Variants in UBE2K observed in about 807,000 individuals in gnomAD.
The protein encoded by UBE2K is ubiquitin-conjugating enzyme E2 K.
In UBE2K, 6 loss-of-function variants were observed where a neutral mutation model predicts 30.0. The ratio of observed to expected loss-of-function variants is 0.20; its 90% CI spans 0.11 to 0.39. The LOEUF (loss-of-function observed/expected upper bound fraction) is 0.39. UBE2K is among the 10% of genes least tolerant of loss of function. The probability of loss-of-function intolerance (pLI) is 1.00; values close to 1 mark genes in which losing one functional copy is unlikely to be tolerated. For missense variants in UBE2K, 61 were observed against 241.6 expected (o/e 0.25, Z 4.96); for synonymous variants, 86 against 83.7 (o/e 1.03, Z -0.15).
chr4:39,708,021 C>T (rs550991733), intron 1 of UBE2K, among the ~76,000 whole-genome samples: 17 of 151,998 alleles, frequency 1.1e-4, no homozygotes, highest in Non-Finnish European at 1.8e-4. Flanking sequence ...CTCAGTCTCC[C>T]GAGAAGCTGG....
At chr4:39,715,151 G>T (rs376703186) in intron 1 of UBE2K, among the ~76,000 whole-genome samples, 67 of 150,222 alleles carry the variant, frequency 4.5e-4, no homozygotes, top group Non-Finnish European at 8.9e-4. Flanking sequence ...TCAGCCTCCC[G>T]AGTAGCTGGG....
chr4:39,706,840 G>C (rs1718395634), intron 1 of UBE2K, among the ~76,000 whole-genome samples: 1 of 152,052 alleles, frequency 6.6e-6, no homozygotes, highest in Non-Finnish European at 1.5e-5. Context: ...ACAAAGGATA[G>C]ATAAAAATGG....
In UBE2K at chr4:39,698,247, G is replaced by A. The variant is rs1267903900; in HGVS notation, c.-81G>A. Reference sequence around the variant, plus strand: ...GGTCTGAATCGCCGAGGGAGGAGGCGGTGGAGGAAGAGGTGGCGGCGGTGG... The same window carrying A: ...GGTCTGAATCGCCGAGGGAGGAGGCAGTGGAGGAAGAGGTGGCGGCGGTGG... On this transcript the variant is annotated 5_prime_UTR_variant, in exon 1 of 7. Transcript: ENST00000261427. 19 of 1,368,570 alleles carry A rather than the reference G, an allele frequency of 1.4e-5. No individual in the cohort carries two copies. Among genetic ancestry groups the A allele is most frequent in the Non-Finnish European group, 1.7e-5 (17 of 973,896 alleles). The allele number at this position is 1,368,570 out of a possible 1,614,324, so 84.8% of individuals were successfully genotyped here.
At chr4:39,748,569 CG>C (rs1721096535) in intron 3 of UBE2K, among the ~76,000 whole-genome samples, 1 of 150,236 alleles carries the variant, frequency 6.7e-6, no homozygotes, top group African/African-American at 2.4e-5. Flanking sequence ...CGTTTGAGCT[CG>C]GGAGTTTGAG....
intron 2 of UBE2K, among the ~76,000 whole-genome samples, chr4:39,738,790 G>A (rs368028419): frequency 2.4e-4 from 37 of 152,106 alleles, no homozygotes; most frequent in African/African-American, 8.7e-4. Context: ...TGATTCTCCT[G>A]CCTTAGCCTC....
intron 1 of UBE2K, among the ~76,000 whole-genome samples, chr4:39,707,177 T>A (rs1259989061): frequency 6.6e-6 from 1 of 152,062 alleles, no homozygotes; most frequent in African/African-American, 2.4e-5. Flanking sequence ...CCCAAAGTGC[T>A]GGGCTTACAT....
chr4:39,734,617 C>T (rs1300201251), intron 1 of UBE2K, among the ~76,000 whole-genome samples: 1 of 152,026 alleles, frequency 6.6e-6, no homozygotes, highest in Non-Finnish European at 1.5e-5. Context: ...TCAAGACCAG[C>T]CTGAGAAACA....
chr4:39,771,471 C>T (rs556083857), intron 4 of UBE2K: 26 of 1,526,850 alleles, frequency 1.7e-5, no homozygotes, highest in African/African-American at 1.4e-4. Flanking sequence ...CCCGGTTCCG[C>T]GCGCTGTTTT....
intron 3 of UBE2K, among the ~76,000 whole-genome samples, chr4:39,751,930 G>A (rs1721278120): frequency 6.6e-6 from 1 of 152,050 alleles, no homozygotes; most frequent in African/African-American, 2.4e-5. Flanking sequence ...TCGCACCACC[G>A]CACTCCAGCC....
chr4:39,775,543 A>G lies in UBE2K; in HGVS notation c.399+610A>G, dbSNP rs373416008. ...GGTGGGTGGTGGATCACTTGAGGTCAGGAGTTCCAGACCAGCCTGACCAAC... is the reference window on the plus strand; with the variant it reads ...GGTGGGTGGTGGATCACTTGAGGTCGGGAGTTCCAGACCAGCCTGACCAAC... On this transcript the variant is annotated intron_variant, in intron 5 of 6. Transcript: ENST00000261427. Among the ~76,000 whole-genome samples, 5 of 152,302 alleles carry G rather than the reference A, an allele frequency of 3.3e-5. No individual in the cohort carries two copies. The East Asian group carries it at 9.6e-4, about 29-fold the overall frequency.
At chr4:39,714,608 G>A (rs4975037) in intron 1 of UBE2K, among the ~76,000 whole-genome samples, 104,041 of 127,916 alleles carry the variant, frequency 0.81, 42,809 homozygotes, top group African/African-American at 0.93. Context: ...ATGCAGTGGC[G>A]TGATCTCAGC....
intron 4 of UBE2K, among the ~76,000 whole-genome samples, chr4:39,760,310 A>G (rs1025175973): frequency 2.6e-5 from 4 of 152,080 alleles, no homozygotes; most frequent in East Asian, 1.9e-4. Flanking sequence ...GTATATATCT[A>G]AAAGAAATTA....
chr4:39,759,417 C>T (rs1711735178), intron 4 of UBE2K, among the ~76,000 whole-genome samples: 1 of 152,128 alleles, frequency 6.6e-6, no homozygotes, highest in Non-Finnish European at 1.5e-5. Context: ...TCTGGGATTA[C>T]ATTACAGGCA....
intron 4 of UBE2K, chr4:39,770,840 C>G (rs1219250255): frequency 4.5e-6 from 7 of 1,541,358 alleles, no homozygotes; most frequent in Non-Finnish European, 6.1e-6. Flanking sequence ...CGTCCTCATC[C>G]TCATCCTCTT....
rs1456907937 is a variant in UBE2K at position 39,778,515 on chromosome 4, G to C, written c.*81G>C. Reference sequence around the variant, plus strand: ...TCTGTTATTTTTAGGATTCTGCATAGATTTCTTTTAAACTGGCATTCTTGC... The same window carrying C: ...TCTGTTATTTTTAGGATTCTGCATACATTTCTTTTAAACTGGCATTCTTGC... On this transcript the variant is annotated 3_prime_UTR_variant, in exon 7 of 7. Transcript: ENST00000261427. 2.1e-6 allele frequency: 2 copies of C among 938,400 alleles called. No homozygotes were observed. The highest frequency in any genetic ancestry group is 3.3e-5 in the African/African-American group (2 of 60,192). The allele number at this position is 938,400 out of a possible 1,614,324, so 58.1% of individuals were successfully genotyped here.
intron 1 of UBE2K, among the ~76,000 whole-genome samples, chr4:39,703,137 C>A (rs1718129109): frequency 6.6e-6 from 1 of 152,060 alleles, no homozygotes; most frequent in African/African-American, 2.4e-5. Flanking sequence ...ATTACAGGCG[C>A]CTACTACCAT....
chr4:39,731,738 A>G (rs191364501), intron 1 of UBE2K, among the ~76,000 whole-genome samples: 19 of 152,322 alleles, frequency 1.2e-4, no homozygotes, highest in African/African-American at 4.6e-4. Flanking sequence ...GGGGAAAGAT[A>G]AGTCATTTAT....
At chr4:39,709,110 T>C (rs1041348344) in intron 1 of UBE2K, among the ~76,000 whole-genome samples, 3 of 152,000 alleles carry the variant, frequency 2.0e-5, no homozygotes, top group African/African-American at 2.4e-5. Context: ...TCTCGATTTT[T>C]TTAATCTGTA....
At chr4:39,755,896 A>C (rs939056692) in intron 4 of UBE2K, among the ~76,000 whole-genome samples, 157 bp downstream of exon 4, 2 of 152,232 alleles carry the variant, frequency 1.3e-5, no homozygotes, top group African/African-American at 4.8e-5. Context: ...AATGCATTAT[A>C]ATTGAGATCA....
Sources: gnomAD v4.1 joint callset for allele counts (sites outside exome capture counted in the v4.1 genomes callset) on GRCh38, gnomAD v4.1.1 for gene constraint, MANE v1.5 for transcripts, NCBI Gene and HGNC (gene_info 2026-07-23, HGNC 2026-07-21) for gene names.